ABCA13: variants seen among roughly 807,000 people sequenced by gnomAD.
ABCA13 encodes ATP-binding cassette sub-family A member 13.
Under a neutral mutation model 478.7 loss-of-function variants are expected in ABCA13, and 476 were observed. The ratio of observed to expected loss-of-function variants is 0.99; its 90% CI spans 0.92 to 1.07. The LOEUF (loss-of-function observed/expected upper bound fraction) is 1.07. ABCA13 is among the 50% of genes least tolerant of loss of function. ABCA13 has a pLI of 0.00. For synonymous variants in ABCA13, 2,252 were observed against 2,158.9 expected (o/e 1.04, Z -1.20); for missense variants, 6,060 against 5,910.6 (o/e 1.03, Z -0.83).
chr7:48,306,516 T>A (rs1239038116), intron 23 of ABCA13, among the ~76,000 whole-genome samples: 1 of 152,152 alleles, frequency 6.6e-6, no homozygotes, highest in Non-Finnish European at 1.5e-5. Flanking sequence ...AAAGAGAGGC[T>A]CCTCTTGTGA....
chr7:48,207,451 A>G (rs1287513548), intron 3 of ABCA13, among the ~76,000 whole-genome samples: 1 of 151,922 alleles, frequency 6.6e-6, no homozygotes, highest in African/African-American at 2.4e-5. Context: ...CCAACCCCTC[A>G]CTAACATTTG....
intron 56 of ABCA13, 24 bp downstream of exon 56, chr7:48,580,398 G>C: frequency 1.2e-6 from 2 of 1,602,344 alleles, no homozygotes; most frequent in East Asian, 2.3e-5. Flanking sequence ...GGGTCTTCTA[G>C]ATAAAGGGAC....
At chr7:48,418,511 C>G (rs1237397768) in intron 41 of ABCA13, among the ~76,000 whole-genome samples, 2 of 152,180 alleles carry the variant, frequency 1.3e-5, no homozygotes, top group Non-Finnish European at 2.9e-5. Context: ...GTTTAGGTCT[C>G]TGGCCCACTT....
intron 27 of ABCA13, among the ~76,000 whole-genome samples, chr7:48,321,936 G>A (rs1047313391): frequency 3.3e-5 from 5 of 152,192 alleles, no homozygotes; most frequent in South Asian, 2.1e-4. Flanking sequence ...GCTGCCCCTG[G>A]AGAACATCAG....
At chr7:48,174,050 G>T (rs1036180015) in intron 1 of ABCA13, among the ~76,000 whole-genome samples, 2 of 152,192 alleles carry the variant, frequency 1.3e-5, no homozygotes, top group East Asian at 3.8e-4. Flanking sequence ...TGGAAATATT[G>T]AGGGCAGGCC....
intron 41 of ABCA13, among the ~76,000 whole-genome samples, chr7:48,427,020 G>T (rs35972471): frequency 0.27 from 41,726 of 151,902 alleles, 5,876 homozygotes; most frequent in East Asian, 0.37. Context: ...TCCTTGACTT[G>T]TATGCTTCTC....
At chr7:48,433,219 G>C (rs193190054) in intron 42 of ABCA13, among the ~76,000 whole-genome samples, 169 of 151,920 alleles carry the variant, frequency 1.1e-3, no homozygotes, top group African/African-American at 3.8e-3. Flanking sequence ...AATGGAGTTT[G>C]CCTCTAGGGG....
At chr7:48,192,933 A>T (rs1376080909) in intron 1 of ABCA13, 26 bp from the exon 2 acceptor site, 7 of 1,250,304 alleles carry the variant, frequency 5.6e-6, no homozygotes, top group Non-Finnish European at 7.6e-6. Flanking sequence ...TATTCAGGTG[A>T]TTTTTTTTTT....
chr7:48,497,515 T>C (rs1225330919), intron 48 of ABCA13, among the ~76,000 whole-genome samples: 1 of 152,192 alleles, frequency 6.6e-6, no homozygotes, highest in Admixed American at 6.5e-5. Context: ...AACTGTAATA[T>C]GTGACTCTGG....
chr7:48,220,399 G>T (rs894156773), intron 4 of ABCA13, among the ~76,000 whole-genome samples: 2 of 152,258 alleles, frequency 1.3e-5, no homozygotes, highest in Admixed American at 1.3e-4. Flanking sequence ...AATTTAACTG[G>T]ATGTGTTCTA....
intron 44 of ABCA13, among the ~76,000 whole-genome samples, chr7:48,469,950 G>T (rs1827301952): frequency 6.6e-6 from 1 of 151,288 alleles, no homozygotes; most frequent in Non-Finnish European, 1.5e-5. Context: ...TTAGGTGATT[G>T]AAAACTCCAG....
intron 31 of ABCA13, among the ~76,000 whole-genome samples, chr7:48,361,543 A>G (rs766879536): frequency 8.6e-5 from 13 of 151,252 alleles, no homozygotes; most frequent in Non-Finnish European, 1.6e-4. Context: ...TATTTTTATT[A>G]CTTCCTTACT....
chr7:48,230,736 AATCCATCCATCCGTCC>A (rs1788939022), intron 7 of ABCA13, among the ~76,000 whole-genome samples: 1 of 149,550 alleles, frequency 6.7e-6, no homozygotes, highest in South Asian at 2.1e-4. Context: ...TTCATCCATT[AATCCATCCATCCGTCC>A]ATCCATCCAT....
chr7:48,207,944 T>G (rs1438452531), intron 3 of ABCA13, among the ~76,000 whole-genome samples: 2 of 152,132 alleles, frequency 1.3e-5, no homozygotes, highest in African/African-American at 4.8e-5. Flanking sequence ...AGGTCTTAGA[T>G]TTAAGTCTTT....
intron 3 of ABCA13, among the ~76,000 whole-genome samples, chr7:48,211,779 CAG>C (rs1297891850): frequency 1.3e-5 from 2 of 152,208 alleles, no homozygotes; most frequent in East Asian, 3.9e-4. Flanking sequence ...GGCCTGGAAT[CAG>C]GGGCTTCAGA....
chr7:48,281,434 G>A lies in ABCA13; in HGVS notation c.8818G>A (p.Val2940Met). ...LQKVKMMVVRVLTIVAENPSW... is the reference protein window; with the variant it reads ...LQKVKMMVVRMLTIVAENPSW... Reference sequence around the variant, plus strand: ...GAAAGTGAAGATGATGGTCGTACGTGTGCTCACCATCGTTGCAGGTGGGCT... The same window carrying A: ...GAAAGTGAAGATGATGGTCGTACGTATGCTCACCATCGTTGCAGGTGGGCT... Residue 2940 changes from valine (V) to methionine (M), a missense_variant, in exon 19 of 62, where the codon GTG becomes ATG. Physicochemically the swap from Val to Met is conservative, Grantham distance 21. Coordinates refer to ENST00000435803, the MANE Select transcript of ABCA13 (RefSeq NM_152701.5). 1 of 1,601,412 alleles carries A rather than the reference G, an allele frequency of 6.2e-7. No individual in the cohort carries two copies. The highest frequency in any genetic ancestry group is 2.2e-5 in the East Asian group (1 of 44,496).
At chr7:48,301,819 AT>A (rs1432366743) in intron 23 of ABCA13, among the ~76,000 whole-genome samples, 14 of 152,226 alleles carry the variant, frequency 9.2e-5, no homozygotes, top group East Asian at 1.9e-4. Flanking sequence ...TTTCTCTTTG[AT>A]TTGTTTGATT....
intron 27 of ABCA13, among the ~76,000 whole-genome samples, chr7:48,326,228 T>C (rs1429417329): frequency 6.6e-6 from 1 of 152,070 alleles, no homozygotes; most frequent in Admixed American, 6.5e-5. Context: ...CCCTCTTCCT[T>C]CACTGTCCCT....
intron 58 of ABCA13, among the ~76,000 whole-genome samples, chr7:48,599,578 A>T (rs1278166285): frequency 6.6e-6 from 1 of 152,068 alleles, no homozygotes; most frequent in Non-Finnish European, 1.5e-5. Context: ...TTAAATTTTG[A>T]TTACATTCAG....
Sources: gnomAD v4.1 joint callset for allele counts (sites outside exome capture counted in the v4.1 genomes callset) on GRCh38, gnomAD v4.1.1 for gene constraint, MANE v1.5 for transcripts, NCBI Gene and HGNC (gene_info 2026-07-23, HGNC 2026-07-21) for gene names.